SCAPER: variants seen among roughly 807,000 people sequenced by gnomAD.
SCAPER encodes S-phase cyclin A associated protein in the ER.
A neutral mutation model predicts 182.2 loss-of-function variants in SCAPER; 98 were observed. The observed-to-expected ratio is 0.54, with a 90% CI of 0.46 to 0.64. The LOEUF is 0.64. SCAPER is among the 30% of genes least tolerant of loss of function. The pLI, the probability that SCAPER is intolerant of heterozygous loss-of-function variation, is 0.00. For synonymous variants in SCAPER, 605 were observed against 564.6 expected (o/e 1.07, Z -1.01); for missense variants, 1,432 against 1,690.0 (o/e 0.85, Z 2.68).
At chr15:76,691,601 T>C (rs917002086) in intron 20 of SCAPER, among the ~76,000 whole-genome samples, 1 of 152,136 alleles carries the variant, frequency 6.6e-6, no homozygotes, top group African/African-American at 2.4e-5. Context: ...AATAAATTCT[T>C]GGAATATAAA....
intron 21 of SCAPER, among the ~76,000 whole-genome samples, chr15:76,629,375 G>A (rs547030870): frequency 1.3e-5 from 2 of 152,334 alleles, no homozygotes; most frequent in African/African-American, 4.8e-5. Context: ...TGCCCATTCA[G>A]TATGATATTG....
At chr15:76,898,940 A>T (rs943964575) in intron 1 of SCAPER, among the ~76,000 whole-genome samples, 2 of 152,226 alleles carry the variant, frequency 1.3e-5, no homozygotes, top group African/African-American at 4.8e-5. Flanking sequence ...TAAAGCTTCA[A>T]ATTAAAAAAG....
At chr15:76,799,817 G>A (rs971095969) in intron 7 of SCAPER, among the ~76,000 whole-genome samples, 2 of 152,108 alleles carry the variant, frequency 1.3e-5, no homozygotes, top group African/African-American at 4.8e-5. Context: ...TTTGGCTGTG[G>A]TAATAAATGG....
intron 24 of SCAPER, among the ~76,000 whole-genome samples, chr15:76,478,563 G>A (rs2050844814): frequency 6.6e-6 from 1 of 152,018 alleles, no homozygotes; most frequent in Non-Finnish European, 1.5e-5. Context: ...AATTATCACT[G>A]TGTATGGTAA....
chr15:76,736,003 T>C lies in SCAPER; in HGVS notation c.1867-2619A>G, dbSNP rs138775491. Among the ~76,000 whole-genome samples the C allele has an allele frequency of 4.6e-4, 70 of 152,292 alleles. No homozygotes were observed. The East Asian group carries it at 0.013, about 27-fold the overall frequency. On this transcript the variant is annotated intron_variant, in intron 15 of 31. Transcript: ENST00000563290. The stretch of plus-strand genomic sequence containing the variant: ...ATAAAAAATGTTTTTTAATGGGTGA[T>C]TGTGTTTGTACTGAACATGTACAGG...
intron 29 of SCAPER, among the ~76,000 whole-genome samples, chr15:76,362,688 G>A (rs1285975409): frequency 1.3e-5 from 2 of 151,898 alleles, no homozygotes; most frequent in Non-Finnish European, 2.9e-5. Flanking sequence ...TGGGATTACA[G>A]GTGTAAGCCA....
chr15:76,561,832 T>G (rs1267276481), intron 23 of SCAPER, among the ~76,000 whole-genome samples: 2 of 151,572 alleles, frequency 1.3e-5, no homozygotes, highest in African/African-American at 2.4e-5. Context: ...TATTAGTTTT[T>G]TTTTTTTTTT....
intron 4 of SCAPER, among the ~76,000 whole-genome samples, chr15:76,857,116 G>A (rs1197509095): frequency 6.6e-6 from 1 of 152,096 alleles, no homozygotes; most frequent in Non-Finnish European, 1.5e-5. Context: ...TAGCAGAGGA[G>A]CTAAGAGCAT....
chr15:76,833,419 G>A (rs1188410892), intron 5 of SCAPER, among the ~76,000 whole-genome samples: 1 of 151,942 alleles, frequency 6.6e-6, no homozygotes, highest in Non-Finnish European at 1.5e-5. Context: ...GCCACCATAA[G>A]AGCCCACTGA....
chr15:76,370,087 C>A (rs970917589), intron 29 of SCAPER, among the ~76,000 whole-genome samples: 1 of 152,046 alleles, frequency 6.6e-6, no homozygotes, highest in Admixed American at 6.6e-5. Context: ...CAGGTGGAAT[C>A]TGGAGTAGGG....
chr15:76,457,480 A>G (rs1446209600), intron 25 of SCAPER, among the ~76,000 whole-genome samples: 1 of 152,072 alleles, frequency 6.6e-6, no homozygotes, highest in African/African-American at 2.4e-5. Flanking sequence ...CTTCTTTTGG[A>G]ATATCCTTTT....
At chr15:76,854,433 C>T (rs1259275305) in intron 4 of SCAPER, among the ~76,000 whole-genome samples, 1 of 151,996 alleles carries the variant, frequency 6.6e-6, no homozygotes, top group Non-Finnish European at 1.5e-5. Flanking sequence ...AGAAGAATTA[C>T]AAAACACTGC....
intron 15 of SCAPER, among the ~76,000 whole-genome samples, chr15:76,742,361 A>C (rs1361204177): frequency 8.0e-6 from 1 of 124,236 alleles, no homozygotes; most frequent in Non-Finnish European, 1.7e-5. Context: ...AAAGCAAAGG[A>C]CCAGGCACAA....
At chr15:76,765,152 G>T in intron 13 of SCAPER, 80 bp from the exon 14 acceptor site, 1 of 1,146,390 alleles carries the variant, frequency 8.7e-7, no homozygotes, top group Non-Finnish European at 1.2e-6. Context: ...AGACTTCATA[G>T]TTCTTAAAGT....
intron 20 of SCAPER, among the ~76,000 whole-genome samples, chr15:76,696,362 A>C (rs1489504970): frequency 2.6e-5 from 4 of 152,204 alleles, no homozygotes; most frequent in Non-Finnish European, 4.4e-5. Context: ...GTCCATGGAA[A>C]CTAATAATGT....
intron 21 of SCAPER, among the ~76,000 whole-genome samples, chr15:76,637,824 C>G (rs1461164223): frequency 7.3e-6 from 1 of 136,296 alleles, no homozygotes; most frequent in African/African-American, 2.7e-5. Context: ...TCCACCCATC[C>G]TAGTTGTTGT....
At chr15:76,719,545 C>T (rs74667192) in intron 17 of SCAPER, among the ~76,000 whole-genome samples, 1 of 151,998 alleles carries the variant, frequency 6.6e-6, no homozygotes, top group Non-Finnish European at 1.5e-5. Context: ...ATTTTAGTTG[C>T]CCTTGCCACT....
At chr15:76,692,715 A>AAAAGGAAAAGG (rs1337056284) in intron 20 of SCAPER, among the ~76,000 whole-genome samples, 12 of 131,932 alleles carry the variant, frequency 9.1e-5, no homozygotes, top group African/African-American at 3.1e-4. Flanking sequence ...AAAAAAAAGG[A>AAAAGGAAAAGG]AAAGGAAAAG....
At chr15:76,839,503 A>C (rs892252390) in intron 5 of SCAPER, among the ~76,000 whole-genome samples, 14 of 152,230 alleles carry the variant, frequency 9.2e-5, no homozygotes, top group African/African-American at 3.4e-4. Context: ...CAAACGTTAA[A>C]TTTTATCTTC....
Sources: gnomAD v4.1 joint callset for allele counts (sites outside exome capture counted in the v4.1 genomes callset) on GRCh38, gnomAD v4.1.1 for gene constraint, MANE v1.5 for transcripts, NCBI Gene and HGNC (gene_info 2026-07-23, HGNC 2026-07-21) for gene names.